The following VPS41 variants were observed in gnomAD, a reference collection of about 807,000 sequenced individuals.
The protein encoded by VPS41 is VPS41 subunit of HOPS complex.
A neutral mutation model predicts 130.9 loss-of-function variants in VPS41; 85 were observed. That is an observed-to-expected ratio of 0.65 (90% CI 0.55 to 0.78). The LOEUF is 0.78. Ranked by LOEUF, VPS41 falls within the 30% of genes least tolerant of loss-of-function variation. The probability of loss-of-function intolerance (pLI) is 0.00; values close to 1 mark genes in which losing one functional copy is unlikely to be tolerated. For synonymous variants in VPS41, 335 were observed against 332.9 expected, an observed-to-expected ratio of 1.01 and a Z score of -0.07; for missense variants, 874 against 1,018.7, an observed-to-expected ratio of 0.86 and a Z score of 1.93.
intron 2 of VPS41, among the ~76,000 whole-genome samples, chr7:38,877,698 A>G (rs1466476126): frequency 6.6e-6 from 1 of 152,194 alleles, no homozygotes; most frequent in Non-Finnish European, 1.5e-5. Context: ...AATTTCCAAG[A>G]AAAATTAGAT....
chr7:38,777,288 A>C (rs1292791935), intron 10 of VPS41, among the ~76,000 whole-genome samples: 1 of 152,162 alleles, frequency 6.6e-6, no homozygotes, highest in Non-Finnish European at 1.5e-5. Flanking sequence ...AAGATGCATA[A>C]ATACAGATTA....
intron 17 of VPS41, among the ~76,000 whole-genome samples, chr7:38,762,213 A>C (rs922235054): frequency 1.3e-5 from 2 of 152,304 alleles, no homozygotes; most frequent in East Asian, 3.9e-4. Flanking sequence ...TACCCAAGAA[A>C]TATTTATAAA....
At chr7:38,815,161 T>C (rs1485697023) in intron 7 of VPS41, among the ~76,000 whole-genome samples, 1 of 152,218 alleles carries the variant, frequency 6.6e-6, no homozygotes, top group African/African-American at 2.4e-5. Context: ...TGGTGGCTCA[T>C]GCCTGTAATA....
At chr7:38,809,715 G>C (rs879918920) in intron 7 of VPS41, among the ~76,000 whole-genome samples, 3 of 151,952 alleles carry the variant, frequency 2.0e-5, no homozygotes, top group Non-Finnish European at 4.4e-5. Context: ...TTGCCCCTGC[G>C]GCCAGGTCCC....
chr7:38,778,684 T>C (rs897145896), intron 10 of VPS41, among the ~76,000 whole-genome samples: 2 of 152,160 alleles, frequency 1.3e-5, no homozygotes, highest in Admixed American at 1.3e-4. Flanking sequence ...AATCAGAGAT[T>C]CTCACAGAAA....
Position 38,908,102 on chromosome 7 carries a change from G to A in VPS41, c.21+1052C>T, listed in dbSNP as rs546088594. 5.3e-5 allele frequency among the ~76,000 whole-genome samples: 8 copies of A among 152,228 alleles called. No individual in the cohort carries two copies. The East Asian group carries it at 1.4e-3, about 26-fold the overall frequency. On this transcript the variant is annotated intron_variant, in intron 1 of 28. Coordinates refer to ENST00000310301, the MANE Select transcript of VPS41 (RefSeq NM_014396.4). ...TCACTATGAAGTAAAAACAAATGAA[G>A]TATGTTGAAAATAGTAAAAATTATT...
At chr7:38,879,458 C>T (rs1055412174) in intron 2 of VPS41, among the ~76,000 whole-genome samples, 4 of 152,114 alleles carry the variant, frequency 2.6e-5, no homozygotes, top group African/African-American at 9.7e-5. Flanking sequence ...CTCACAAATT[C>T]CCACACTGAA....
chr7:38,745,677 G>C, intron 22 of VPS41, 64 bp from the exon 23 acceptor site: 1 of 1,271,916 alleles, frequency 7.9e-7, no homozygotes, highest in Non-Finnish European at 1.1e-6. Flanking sequence ...CAGTAATAAA[G>C]TCATTTAAAC....
chr7:38,897,306 T>C (rs1018478379), intron 2 of VPS41, among the ~76,000 whole-genome samples: 1 of 152,026 alleles, frequency 6.6e-6, no homozygotes, highest in Non-Finnish European at 1.5e-5. Context: ...AGAAACTATC[T>C]TTATCACAAT....
At chr7:38,749,910 C>G (rs1283504883) in intron 22 of VPS41, among the ~76,000 whole-genome samples, 2 of 152,098 alleles carry the variant, frequency 1.3e-5, no homozygotes, top group East Asian at 3.8e-4. Context: ...TCGCCTAGGC[C>G]GGAGTGCACT....
intron 1 of VPS41, among the ~76,000 whole-genome samples, chr7:38,902,677 C>T (rs570831054): frequency 6.6e-6 from 1 of 152,176 alleles, no homozygotes; most frequent in African/African-American, 2.4e-5. Flanking sequence ...GCTGCCTGCT[C>T]TGCACTTTCC....
chr7:38,855,052 T>C (rs1692338468), intron 4 of VPS41, among the ~76,000 whole-genome samples: 1 of 151,452 alleles, frequency 6.6e-6, no homozygotes. Context: ...CTACTAAAAA[T>C]ATGAAAACTA....
At chr7:38,756,725 T>C (rs1783801241) in intron 19 of VPS41, 113 bp downstream of exon 19, 1 of 813,198 alleles carries the variant, frequency 1.2e-6, no homozygotes, top group Non-Finnish European at 1.8e-6. Context: ...ATTGTCGGCA[T>C]AAAGCCAAGT....
intron 2 of VPS41, among the ~76,000 whole-genome samples, chr7:38,897,598 T>C (rs1216748522): frequency 1.4e-5 from 2 of 139,912 alleles, no homozygotes; most frequent in Non-Finnish European, 3.0e-5. Context: ...TGAGCCGAGA[T>C]GGAGCCACTA....
chr7:38,795,876 A>G (rs939933287), intron 8 of VPS41, among the ~76,000 whole-genome samples: 1 of 152,250 alleles, frequency 6.6e-6, no homozygotes, highest in Non-Finnish European at 1.5e-5. Context: ...GAAATGTACA[A>G]ACATCAATAG....
chr7:38,844,391 C>T (rs1785679646), intron 4 of VPS41, among the ~76,000 whole-genome samples: 1 of 152,180 alleles, frequency 6.6e-6, no homozygotes, highest in African/African-American at 2.4e-5. Flanking sequence ...CTAACATAGA[C>T]TGAAAAAACT....
At chr7:38,757,652 G>T (rs534465797) in intron 18 of VPS41, among the ~76,000 whole-genome samples, 3 of 152,222 alleles carry the variant, frequency 2.0e-5, no homozygotes, top group Non-Finnish European at 2.9e-5. Flanking sequence ...GGTCATTTTG[G>T]TATACCTTTT....
In VPS41 at chr7:38,743,689, T is replaced by C. The variant is rs1795930031; in HGVS notation, c.1982-147A>G. ...ATGTGACACCAACATTTACTGTCTATAACATAGCAAAATAAGTATCTCCTA... is the reference window on the plus strand; with the variant it reads ...ATGTGACACCAACATTTACTGTCTACAACATAGCAAAATAAGTATCTCCTA... On this transcript the variant is annotated intron_variant, in intron 23 of 28. Transcript: ENST00000310301. 3 of 878,956 alleles carry C rather than the reference T, an allele frequency of 3.4e-6. No homozygotes were observed. In the South Asian group the frequency reaches 5.5e-5, roughly 16 times the overall value. 54.4% of individuals were successfully genotyped at this position (878,956 alleles called of 1,614,324 possible). A position where few individuals can be genotyped will look rare whatever the true frequency, so the allele number is the denominator to read the frequency against.
intron 25 of VPS41, among the ~76,000 whole-genome samples, chr7:38,739,121 C>T (rs1438774994): frequency 6.6e-6 from 1 of 152,180 alleles, no homozygotes; most frequent in Non-Finnish European, 1.5e-5. Flanking sequence ...TTTAGAGATT[C>T]CCAATGCATA....
Sources: gnomAD v4.1 joint callset for allele counts (sites outside exome capture counted in the v4.1 genomes callset) on GRCh38, gnomAD v4.1.1 for gene constraint, MANE v1.5 for transcripts, NCBI Gene and HGNC (gene_info 2026-07-23, HGNC 2026-07-21) for gene names.